PTPRN2: variants seen among roughly 807,000 people sequenced by gnomAD.
PTPRN2 encodes the protein protein tyrosine phosphatase receptor type N2.
In PTPRN2, 74 loss-of-function variants were observed where a neutral mutation model predicts 118.8. That is an observed-to-expected ratio of 0.62 (90% CI 0.52 to 0.76). PTPRN2 has a LOEUF of 0.76. Ranked by LOEUF, PTPRN2 falls within the 30% of genes least tolerant of loss-of-function variation. The probability of loss-of-function intolerance (pLI) is 0.00; values close to 1 mark genes in which losing one functional copy is unlikely to be tolerated. For synonymous variants in PTPRN2, 641 were observed against 608.0 expected (o/e 1.05, Z -0.80); for missense variants, 1,481 against 1,394.4 (o/e 1.06, Z -0.99).
At chr7:158,009,152 A>C (rs2128867399) in intron 11 of PTPRN2, among the ~76,000 whole-genome samples, 1 of 152,138 alleles carries the variant, frequency 6.6e-6, no homozygotes, top group South Asian at 2.1e-4. Flanking sequence ...CCCTCAGTGA[A>C]CCTGCAAAGG....
intron 2 of PTPRN2, among the ~76,000 whole-genome samples, chr7:158,415,648 G>A (rs1814596845): frequency 1.3e-5 from 2 of 152,124 alleles, no homozygotes; most frequent in South Asian, 4.1e-4. Flanking sequence ...TATTGTTGAG[G>A]ACTTGTCCCC....
chr7:157,767,100 G>A (rs533672811), intron 12 of PTPRN2, among the ~76,000 whole-genome samples: 64 of 152,228 alleles, frequency 4.2e-4, no homozygotes, highest in African/African-American at 1.5e-3. Flanking sequence ...GCCTTGGCAC[G>A]TCTTGATTCA....
chr7:157,817,563 C>A, intron 12 of PTPRN2, among the ~76,000 whole-genome samples: 1 of 152,292 alleles, frequency 6.6e-6, no homozygotes, highest in Middle Eastern at 3.4e-3. Flanking sequence ...CACATTACAC[C>A]ACATCTGTCC....
chr7:158,208,637 A>G (rs1827344278), intron 3 of PTPRN2, among the ~76,000 whole-genome samples: 1 of 152,250 alleles, frequency 6.6e-6, no homozygotes, highest in African/African-American at 2.4e-5. Flanking sequence ...GACCTGTCCT[A>G]TAAGAAATGC....
intron 21 of PTPRN2, among the ~76,000 whole-genome samples, chr7:157,551,418 C>G (rs1198673101): frequency 6.6e-6 from 1 of 151,978 alleles, no homozygotes; most frequent in Non-Finnish European, 1.5e-5. Flanking sequence ...TCAAGCTAAA[C>G]ACAGACCCCA....
At chr7:157,750,772 G>T (rs1801415796) in intron 12 of PTPRN2, among the ~76,000 whole-genome samples, 1 of 152,238 alleles carries the variant, frequency 6.6e-6, no homozygotes, top group African/African-American at 2.4e-5. Context: ...GCAGCGTTCA[G>T]CTCCTCAGTG....
intron 2 of PTPRN2, among the ~76,000 whole-genome samples, chr7:158,389,389 T>G (rs138428799): frequency 3.3e-5 from 5 of 152,350 alleles, no homozygotes; most frequent in African/African-American, 1.2e-4. Context: ...GAAATGCAAG[T>G]TCATTAGAAA....
At chr7:157,659,557 G>T (rs1024615479) in intron 13 of PTPRN2, among the ~76,000 whole-genome samples, 1 of 151,532 alleles carries the variant, frequency 6.6e-6, no homozygotes, top group African/African-American at 2.4e-5. Context: ...GAGGGTAAGG[G>T]GTCTCTAAGA....
chr7:158,125,143 CCT>C (rs1401503275), intron 9 of PTPRN2, among the ~76,000 whole-genome samples: 2 of 152,126 alleles, frequency 1.3e-5, no homozygotes, highest in African/African-American at 2.4e-5. Context: ...TGGCCACCCC[CCT>C]GCCTCAAGTG....
At chr7:157,969,584 C>T (rs1802179257) in intron 11 of PTPRN2, among the ~76,000 whole-genome samples, 1 of 151,854 alleles carries the variant, frequency 6.6e-6, no homozygotes, top group Admixed American at 6.6e-5. Flanking sequence ...CAGGGGTAGC[C>T]ATGGAGTTGG....
chr7:157,652,982 C>T (rs930401502), intron 14 of PTPRN2, among the ~76,000 whole-genome samples: 1 of 152,220 alleles, frequency 6.6e-6, no homozygotes, highest in Non-Finnish European at 1.5e-5. Context: ...GGCCAGGAGG[C>T]CCTTCCTGTG....
rs1808680219 is a variant in PTPRN2 at position 157,844,779 on chromosome 7, G to A, written c.1788+53894C>T. ...ACTGGTGCAGGTCAGCGGCTCCGCA[G>A]GGGTGAGCTGGGCGCTGCCTGCATC... On this transcript the variant is annotated intron_variant, in intron 12 of 22. Coordinates refer to ENST00000389418, the MANE Select transcript of PTPRN2 (RefSeq NM_002847.5). Among the ~76,000 whole-genome samples, 3 of 152,354 alleles carry A rather than the reference G, an allele frequency of 2.0e-5. No individual in the cohort carries two copies. The South Asian group carries it at 6.2e-4, about 32-fold the overall frequency.
intron 1 of PTPRN2, chr7:158,541,805 G>C: frequency 1.1e-6 from 1 of 915,046 alleles, no homozygotes; most frequent in African/African-American, 1.8e-5. Flanking sequence ...GGCCAAGGCC[G>C]CTGGGGAAGC....
At chr7:158,004,775 T>C (rs1292443346) in intron 11 of PTPRN2, among the ~76,000 whole-genome samples, 1 of 152,234 alleles carries the variant, frequency 6.6e-6, no homozygotes, top group Non-Finnish European at 1.5e-5. Context: ...TCTGTGACTC[T>C]GAGTTCATTT....
At chr7:157,725,405 A>ATG (rs1799504518) in intron 12 of PTPRN2, among the ~76,000 whole-genome samples, 5 of 20,568 alleles carry the variant, frequency 2.4e-4, no homozygotes, top group African/African-American at 2.3e-4. Context: ...ATATCTACAC[A>ATG]CAGAGGAGTG....
chr7:158,129,607 A>C (rs1818009115), intron 9 of PTPRN2, among the ~76,000 whole-genome samples: 1 of 151,972 alleles, frequency 6.6e-6, no homozygotes, highest in Non-Finnish European at 1.5e-5. Context: ...CCACACACAC[A>C]TCACATAACA....
rs1252293541 is a variant in PTPRN2 at position 158,132,435 on chromosome 7, C to CACATGCAA, written c.1556+1241_1556+1242insTTGCATGT. Among the ~76,000 whole-genome samples, 69 of 146,616 alleles carry CACATGCAA rather than the reference C, an allele frequency of 4.7e-4. 1 individual carries two copies. The highest frequency in any genetic ancestry group is 1.6e-3 in the African/African-American group (64 of 38,866). On this transcript the variant is annotated intron_variant, in intron 9 of 22. Transcript: ENST00000389418. ...TCTACCCGACACACACTCATACACA[C>CACATGCAA]ATACATATGCACAAACATATCGACA...
chr7:158,128,020 C>T (rs763823811), intron 9 of PTPRN2, among the ~76,000 whole-genome samples: 20 of 152,154 alleles, frequency 1.3e-4, no homozygotes, highest in Non-Finnish European at 2.5e-4. Flanking sequence ...TACCATCCTC[C>T]CATCTGAACC....
intron 9 of PTPRN2, among the ~76,000 whole-genome samples, chr7:158,122,547 C>T (rs994635066): frequency 1.4e-4 from 21 of 152,236 alleles, no homozygotes; most frequent in South Asian, 2.1e-4. Flanking sequence ...GTGAAAAGTA[C>T]GTAGGGGTCG....
Sources: allele counts gnomAD v4.1 joint callset (sites outside exome capture counted in the v4.1 genomes callset), GRCh38; gene constraint gnomAD v4.1.1; transcripts MANE v1.5; gene names NCBI Gene and HGNC (gene_info 2026-07-23, HGNC 2026-07-21).